ACOX3: variants seen among roughly 807,000 people sequenced by gnomAD.
ACOX3 encodes the protein acyl-CoA oxidase 3, pristanoyl.
Under a neutral mutation model 81.5 loss-of-function variants are expected in ACOX3, and 73 were observed. The ratio of observed to expected loss-of-function variants is 0.90; its 90% CI spans 0.74 to 1.09. The LOEUF is 1.09. ACOX3 is among the 50% of genes least tolerant of loss of function. The pLI, the probability that ACOX3 is intolerant of heterozygous loss-of-function variation, is 0.00. For synonymous variants in ACOX3, 387 were observed against 375.1 expected, an observed-to-expected ratio of 1.03 and a Z score of -0.37; for missense variants, 947 against 928.0, an observed-to-expected ratio of 1.02 and a Z score of -0.27.
At chr4:8,439,238 A>G (rs1724442169) in intron 1 of ACOX3, 2 of 152,088 alleles carry the variant, frequency 1.3e-5, no homozygotes, top group South Asian at 4.1e-4. Flanking sequence ...AGGTGTCCCC[A>G]TTGTACACAT....
chr4:8,430,355 A>C lies in ACOX3; in HGVS notation c.-15+10293T>G, dbSNP rs1723887300. On this transcript the variant is annotated intron_variant, in intron 1 of 17. Transcript: ENST00000356406. The surrounding 1 kb of genome is among the most constrained non-coding windows in gnomAD (Gnocchi z 5.2). ...ATTGTGTTTTTGCAAAGGTCCCTGA[A>C]TCCCCAGGAGCAACAAGGATTGCCT... is the stretch of plus-strand genomic sequence containing the variant. Among the ~76,000 whole-genome samples the C allele has an allele frequency of 6.6e-6, 1 of 152,224 alleles. No individual in the cohort carries two copies. The highest frequency in any genetic ancestry group is 1.5e-5 in the Non-Finnish European group (1 of 68,032).
At chr4:8,375,237 A>T in intron 14 of ACOX3, 85 bp from the exon 15 acceptor site, 2 of 1,360,146 alleles carry the variant, frequency 1.5e-6, no homozygotes, top group Non-Finnish European at 2.0e-6. Flanking sequence ...AGGAAACACG[A>T]ACGCGGGTCT....
At chr4:8,373,034 G>A (rs1716424702) in intron 16 of ACOX3, among the ~76,000 whole-genome samples, 2 of 152,164 alleles carry the variant, frequency 1.3e-5, no homozygotes, top group African/African-American at 4.8e-5. Flanking sequence ...GGATCAGAAT[G>A]TGGGGTTGGG....
chr4:8,394,770 C>G lies in ACOX3; in HGVS notation c.1057-28G>C. Reference sequence around the variant, plus strand: ...AGAACAGACAAGACACCTGCGTGAACACATCGTGGTTCCCATGAAGGGCAG... The same window carrying G: ...AGAACAGACAAGACACCTGCGTGAAGACATCGTGGTTCCCATGAAGGGCAG... On this transcript the variant is annotated intron_variant, in intron 9 of 17. Coordinates refer to ENST00000356406, the MANE Select transcript of ACOX3 (RefSeq NM_003501.3). This position sits in a 1 kb window ranked among gnomAD's most constrained non-coding sequence, Gnocchi z 5.9. 6.2e-7 allele frequency: 1 copy of G among 1,603,146 alleles called. No individual in the cohort carries two copies. Among genetic ancestry groups the G allele is most frequent in the African/African-American group, 1.3e-5 (1 of 74,806 alleles).
Position 8,370,081 on chromosome 4 carries a change from G to T in ACOX3, c.1983+827C>A, listed in dbSNP as rs538335773. Among the ~76,000 whole-genome samples, 3 of 152,240 alleles carry T rather than the reference G, an allele frequency of 2.0e-5. No homozygotes were observed. Among genetic ancestry groups the T allele is most frequent in the Admixed American group, 1.3e-4 (2 of 15,292 alleles). The stretch of plus-strand genomic sequence containing the variant: ...CAGCACTACAGTGCCTGGGGGCACT[G>T]CCTCAGCTGGAGGCCAGAGAAGGCC... On this transcript the variant is annotated intron_variant, in intron 17 of 17. Coordinates refer to ENST00000356406, the MANE Select transcript of ACOX3 (RefSeq NM_003501.3). The surrounding 1 kb of genome is among the most constrained non-coding windows in gnomAD (Gnocchi z 6.3).
Position 8,399,274 on chromosome 4 carries a change from A to G in ACOX3, c.873+282T>C, listed in dbSNP as rs1720071138. On this transcript the variant is annotated intron_variant, in intron 8 of 17. Transcript: ENST00000356406. This position sits in a 1 kb window ranked among gnomAD's most constrained non-coding sequence, Gnocchi z 4.9. The stretch of plus-strand genomic sequence containing the variant: ...GTCTCCTTCAAATCCTCAGGGAAGC[A>G]TCACTGGAAGCGAGCAGTCCTCTAA... Among the ~76,000 whole-genome samples, 1 of 152,196 alleles carries G rather than the reference A, an allele frequency of 6.6e-6. No individual in the cohort carries two copies. Among genetic ancestry groups the G allele is most frequent in the East Asian group, 1.9e-4 (1 of 5,196 alleles).
At chr4:8,424,838 C>T (rs1723303135) in intron 1 of ACOX3, among the ~76,000 whole-genome samples, 1 of 152,168 alleles carries the variant, frequency 6.6e-6, no homozygotes. Context: ...AACTTGTATA[C>T]TGACGGAAGT....
At chr4:8,387,336 C>T (rs941834938) in intron 13 of ACOX3, among the ~76,000 whole-genome samples, 1 of 152,164 alleles carries the variant, frequency 6.6e-6, no homozygotes, top group Non-Finnish European at 1.5e-5. Flanking sequence ...GGAGGAGGGA[C>T]CGGGATCAAC....
chr4:8,437,118 A>AC lies in ACOX3; in HGVS notation c.-15+3529_-15+3530insG, dbSNP rs1370614144. ...ATATATATTTACATATATATGTAAA[A>AC]AAATATATGTAAATATATATATAAA... On this transcript the variant is annotated intron_variant, in intron 1 of 17. Coordinates refer to ENST00000356406, the MANE Select transcript of ACOX3 (RefSeq NM_003501.3). The surrounding 1 kb of genome is among the most constrained non-coding windows in gnomAD (Gnocchi z 5.2). 7.0e-6 allele frequency among the ~76,000 whole-genome samples: 1 copy of AC among 143,000 alleles called. No homozygotes were observed. Among genetic ancestry groups the AC allele is most frequent in the African/African-American group, 2.6e-5 (1 of 39,164 alleles). The allele number at this position is 143,000 out of a possible 152,430, so 93.8% of individuals were successfully genotyped here.
chr4:8,389,308 C>T lies in ACOX3; in HGVS notation c.1424-22G>A, dbSNP rs747661619. ...CCATCTAGGACACACATTCCAGTGA[C>T]TTTGGTGGAAGACAGGAACCCAAAC... On this transcript the variant is annotated intron_variant, in intron 12 of 17. Transcript: ENST00000356406. This position sits in a 1 kb window ranked among gnomAD's most constrained non-coding sequence, Gnocchi z 5.3. 2 of 1,601,712 alleles carry T rather than the reference C, an allele frequency of 1.2e-6. No individual in the cohort carries two copies. Among genetic ancestry groups the T allele is most frequent in the East Asian group, 2.2e-5 (1 of 44,684 alleles).
intron 1 of ACOX3, among the ~76,000 whole-genome samples, chr4:8,424,221 C>G (rs1460590737): frequency 1.3e-5 from 2 of 152,188 alleles, no homozygotes; most frequent in Non-Finnish European, 2.9e-5. Context: ...GTGAAATAGC[C>G]AGGCCATTAT....
Position 8,373,617 on chromosome 4 carries a change from A to G in ACOX3, c.1840T>C (p.Ser614Pro). 1 of 1,612,510 alleles carries G rather than the reference A, an allele frequency of 6.2e-7. No individual in the cohort carries two copies. Among genetic ancestry groups the G allele is most frequent in the Non-Finnish European group, 8.5e-7 (1 of 1,179,338 alleles). ...AALLYRGGYF[S>P]GEQAGEVLES... Reference sequence around the variant, plus strand: ...AACACTTCTCCCGCCTGCTCACCGGAGAAGTATCCTCCTGCAAGCACAGCC... The same window carrying G: ...AACACTTCTCCCGCCTGCTCACCGGGGAAGTATCCTCCTGCAAGCACAGCC... The change falls in exon 16 of 18, where the codon TCC (serine) becomes CCC (proline). Residue 614 changes from serine (S) to proline (P), a missense_variant. Coordinates refer to ENST00000356406, the MANE Select transcript of ACOX3 (RefSeq NM_003501.3).
At chr4:8,396,534 G>A (rs1291907135) in intron 9 of ACOX3, among the ~76,000 whole-genome samples, 3 of 152,094 alleles carry the variant, frequency 2.0e-5, no homozygotes, top group African/African-American at 4.8e-5. Flanking sequence ...AAAATTAGCC[G>A]GGCATGGTGG....
chr4:8,365,143 C>CA (rs1255537652), downstream of ACOX3, among the ~76,000 whole-genome samples: 5 of 152,338 alleles, frequency 3.3e-5, no homozygotes, highest in East Asian at 9.7e-4. Context: ...CTGGGACCCC[C>CA]AGGCAGTGGG....
intron 16 of ACOX3, among the ~76,000 whole-genome samples, 185 bp downstream of exon 16, chr4:8,373,376 A>AG (rs1716484207): frequency 6.7e-6 from 1 of 149,412 alleles, no homozygotes; most frequent in African/African-American, 2.5e-5. Flanking sequence ...GGTGATGCTA[A>AG]GGGGGTGCGT....
intron 11 of ACOX3, among the ~76,000 whole-genome samples, chr4:8,390,461 TG>T (rs1475258395): frequency 2.0e-5 from 3 of 152,242 alleles, no homozygotes; most frequent in African/African-American, 7.2e-5. Context: ...TCCCCTGGCA[TG>T]GGGTTGCTGA....
Position 8,440,684 on chromosome 4 carries a change from C to A in ACOX3, c.-51G>T. On this transcript the variant is annotated 5_prime_UTR_variant, in exon 1 of 18. Coordinates refer to ENST00000356406, the MANE Select transcript of ACOX3 (RefSeq NM_003501.3). ...ACAGTTCAACCCCTGCCAGGGAAAC[C>A]AAAAGCAGGAAAGGATCTCCAGCGG... The A allele has an allele frequency of 8.7e-7, 1 of 1,148,138 alleles. No homozygotes were observed. Among genetic ancestry groups the A allele is most frequent in the Non-Finnish European group, 1.2e-6 (1 of 864,488 alleles). 71.1% of individuals were successfully genotyped at this position (1,148,138 alleles called of 1,614,324 possible).
At chr4:8,375,330 C>T (rs953871884) in intron 14 of ACOX3, among the ~76,000 whole-genome samples, 178 bp from the exon 15 acceptor site, 1 of 152,244 alleles carries the variant, frequency 6.6e-6, no homozygotes, top group Non-Finnish European at 1.5e-5. Context: ...GTTTCCAGAA[C>T]ACAATGGAAG....
intron 14 of ACOX3, among the ~76,000 whole-genome samples, chr4:8,377,826 C>G (rs1270223388): frequency 6.6e-6 from 1 of 152,230 alleles, no homozygotes; most frequent in African/African-American, 2.4e-5. Flanking sequence ...AGTAATGCCT[C>G]AGGTGCAGTC....
Sources: gnomAD v4.1 joint callset for allele counts (sites outside exome capture counted in the v4.1 genomes callset) on GRCh38, gnomAD v4.1.1 for gene constraint, Gnocchi (gnomAD v3.1) non-coding constraint, MANE v1.5 for transcripts, NCBI Gene and HGNC (gene_info 2026-07-23, HGNC 2026-07-21) for gene names.